Variants in COL21A1 observed in about 807,000 individuals in gnomAD.
COL21A1 encodes collagen type XXI alpha 1 chain, also known as collagen alpha-1(XXI) chain.
COL21A1 carries 149 observed loss-of-function variants against 137.9 expected under a neutral mutation model. The ratio of observed to expected loss-of-function variants is 1.08; its 90% CI spans 0.95 to 1.24. The LOEUF is 1.24. COL21A1 is among the 50% of genes most tolerant of loss of function. COL21A1 has a pLI of 0.00. For missense variants in COL21A1, 1,167 were observed against 1,158.4 expected (o/e 1.01, Z -0.11); for synonymous variants, 456 against 391.5 (o/e 1.16, Z -1.95).
chr6:56,114,894 T>C (rs1771778296), intron 16 of COL21A1, among the ~76,000 whole-genome samples: 1 of 146,982 alleles, frequency 6.8e-6, no homozygotes, highest in Non-Finnish European at 1.5e-5. Context: ...TGTGGCATTA[T>C]TCACAATAGC....
chr6:56,204,898 CT>C (rs1241539453), intron 1 of COL21A1, among the ~76,000 whole-genome samples: 1 of 152,130 alleles, frequency 6.6e-6, no homozygotes, highest in East Asian at 1.9e-4. Flanking sequence ...AGGGGCCTGA[CT>C]GTTAGAAGGA....
intron 1 of COL21A1, among the ~76,000 whole-genome samples, chr6:56,204,105 C>T (rs943741452): frequency 6.6e-6 from 1 of 152,024 alleles, no homozygotes; most frequent in Admixed American, 6.5e-5. Flanking sequence ...TTTAATACCC[C>T]AGTGTCACCT....
At chr6:56,329,277 GCA>G (rs1562059357) in intron 1 of COL21A1, among the ~76,000 whole-genome samples, 1 of 151,926 alleles carries the variant, frequency 6.6e-6, no homozygotes, top group East Asian at 1.9e-4. Flanking sequence ...ACACACAGAT[GCA>G]CACACACTTA....
intron 1 of COL21A1, among the ~76,000 whole-genome samples, chr6:56,347,746 T>G (rs1765627520): frequency 1.3e-5 from 2 of 152,094 alleles, no homozygotes; most frequent in Admixed American, 1.3e-4. Context: ...TTAGAAAATC[T>G]CTTTCTGATG....
chr6:56,087,859 A>G lies in COL21A1; in HGVS notation c.1813-10286T>C, dbSNP rs114655670. Among the ~76,000 whole-genome samples the G allele has an allele frequency of 8.1e-3, 1,229 of 152,188 alleles. 4 individuals are homozygous for G. Among genetic ancestry groups the G allele is most frequent in the Non-Finnish European group, 0.013 (855 of 68,004 alleles). ...TCAGGAAGATATCCATTTCTCCTCA[A>G]TGAGATTCTTAGTGGCATCTGGAAA... On this transcript the variant is annotated intron_variant, in intron 17 of 29. Coordinates refer to ENST00000244728, the MANE Select transcript of COL21A1 (RefSeq NM_030820.4).
chr6:56,057,978 A>G, intron 29 of COL21A1, 134 bp from the exon 30 acceptor site: 1 of 578,764 alleles, frequency 1.7e-6, no homozygotes, highest in Non-Finnish European at 2.8e-6. Flanking sequence ...TATATAGTAG[A>G]GGCATTTTCT....
At chr6:56,232,025 G>A (rs1433383459) in intron 1 of COL21A1, among the ~76,000 whole-genome samples, 1 of 151,850 alleles carries the variant, frequency 6.6e-6, no homozygotes, top group African/African-American at 2.4e-5. Flanking sequence ...AAAAAAGTTA[G>A]CAAATGAACA....
At chr6:56,302,290 T>G (rs1265841686) in intron 1 of COL21A1, among the ~76,000 whole-genome samples, 7 of 152,162 alleles carry the variant, frequency 4.6e-5, no homozygotes, top group Non-Finnish European at 1.0e-4. Context: ...TCTAGATCCC[T>G]GAGGAATCAC....
chr6:56,243,928 G>A (rs1299207095), intron 1 of COL21A1, among the ~76,000 whole-genome samples: 1 of 152,096 alleles, frequency 6.6e-6, no homozygotes, highest in Non-Finnish European at 1.5e-5. Flanking sequence ...TTTCTCACAA[G>A]AATAATAATG....
rs1179089090 is a variant in COL21A1 at position 56,170,878 on chromosome 6, G to GTGTA, written c.810-14_810-13insTACA. 5.0e-6 allele frequency: 8 copies of GTGTA among 1,605,758 alleles called. No homozygotes were observed. ...TGGGAAAACATTGCTAGAAAAAGAA[G>GTGTA]AGCAAGTGTAAGCTTAAAGAATTCT... is the stretch of plus-strand genomic sequence containing the variant. On this transcript the variant is annotated splice_polypyrimidine_tract_variant and intron_variant, in intron 4 of 29. Coordinates refer to ENST00000244728, the MANE Select transcript of COL21A1 (RefSeq NM_030820.4).
At chr6:56,183,291 C>G (rs1429362544) in intron 1 of COL21A1, among the ~76,000 whole-genome samples, 1 of 151,996 alleles carries the variant, frequency 6.6e-6, no homozygotes, top group Non-Finnish European at 1.5e-5. Context: ...TTTTTAAGCC[C>G]AGCAGAAATG....
chr6:56,367,965 T>C (rs1039775315), intron 1 of COL21A1, among the ~76,000 whole-genome samples: 2 of 152,194 alleles, frequency 1.3e-5, no homozygotes, highest in Non-Finnish European at 2.9e-5. Flanking sequence ...CTGCCCACCT[T>C]GGCCTCCCAA....
In COL21A1 at chr6:56,069,120, A is replaced by G. The variant is rs375615675; in HGVS notation, c.2020-3T>C. The G allele has an allele frequency of 5.3e-5, 85 of 1,589,670 alleles. No homozygotes were observed. The African/African-American group carries it at 7.7e-4, about 14-fold the overall frequency. On this transcript the variant is annotated splice_polypyrimidine_tract_variant and splice_region_variant and intron_variant, in intron 21 of 29. Transcript: ENST00000244728. ...GAACCCGTTGCTCCTGGTTCTCCCTATGTAACACAGAAATTCCAGAAAGAT... is the reference window on the plus strand; with the variant it reads ...GAACCCGTTGCTCCTGGTTCTCCCTGTGTAACACAGAAATTCCAGAAAGAT...
At chr6:56,241,597 A>C (rs1266952352) in intron 1 of COL21A1, among the ~76,000 whole-genome samples, 1 of 151,070 alleles carries the variant, frequency 6.6e-6, no homozygotes, top group Non-Finnish European at 1.5e-5. Context: ...GGTGATGATC[A>C]ATAGGGAAAC....
At chr6:56,291,487 C>T (rs1342299919) in intron 1 of COL21A1, among the ~76,000 whole-genome samples, 1 of 152,208 alleles carries the variant, frequency 6.6e-6, no homozygotes, top group Non-Finnish European at 1.5e-5. Flanking sequence ...GCCTTGCAGT[C>T]TCCCCCTGGC....
chr6:56,290,612 G>A (rs756826588), intron 1 of COL21A1, among the ~76,000 whole-genome samples: 6 of 148,794 alleles, frequency 4.0e-5, no homozygotes, highest in Non-Finnish European at 5.9e-5. Context: ...TGATTCTCCC[G>A]CCTCGGCCTC....
At chr6:56,386,076 A>G (rs2152352880) in intron 1 of COL21A1, among the ~76,000 whole-genome samples, 1 of 152,010 alleles carries the variant, frequency 6.6e-6, no homozygotes, top group Non-Finnish European at 1.5e-5. Flanking sequence ...AGTCAATCCC[A>G]TAGCTGGGAT....
intron 1 of COL21A1, among the ~76,000 whole-genome samples, chr6:56,312,979 G>A (rs1309516366): frequency 6.6e-6 from 1 of 152,134 alleles, no homozygotes; most frequent in Non-Finnish European, 1.5e-5. Flanking sequence ...TGAATCCATA[G>A]CCTTCCGCAC....
At chr6:56,228,965 A>G (rs1389665547) in intron 1 of COL21A1, among the ~76,000 whole-genome samples, 1 of 152,038 alleles carries the variant, frequency 6.6e-6, no homozygotes, top group Non-Finnish European at 1.5e-5. Context: ...ACTATATAGT[A>G]AGCTAATTAT....
Sources: gnomAD v4.1 joint callset for allele counts (sites outside exome capture counted in the v4.1 genomes callset) on GRCh38, gnomAD v4.1.1 for gene constraint, MANE v1.5 for transcripts, NCBI Gene and HGNC (gene_info 2026-07-23, HGNC 2026-07-21) for gene names.